Variants in FGD4 observed in about 807,000 individuals in gnomAD.
The protein encoded by FGD4 is FYVE, RhoGEF and PH domain-containing protein 4.
In FGD4, 42 loss-of-function variants were observed where a neutral mutation model predicts 102.0. The ratio of observed to expected loss-of-function variants is 0.41; its 90% CI spans 0.32 to 0.53. The LOEUF is 0.53. FGD4 is among the 20% of genes least tolerant of loss of function. The pLI, the probability that FGD4 is intolerant of heterozygous loss-of-function variation, is 0.21. For synonymous variants in FGD4, 380 were observed against 375.7 expected, an observed-to-expected ratio of 1.01 and a Z score of -0.13; for missense variants, 902 against 1,078.2, an observed-to-expected ratio of 0.84 and a Z score of 2.29.
chr12:32,415,400 T>C (rs1459113522), intron 1 of FGD4, among the ~76,000 whole-genome samples: 1 of 151,440 alleles, frequency 6.6e-6, no homozygotes, highest in East Asian at 1.9e-4. Context: ...ATTACTGTAT[T>C]GGGATCTGTC....
At chr12:32,502,934 A>G (rs1349257825) in intron 1 of FGD4, among the ~76,000 whole-genome samples, 1 of 152,210 alleles carries the variant, frequency 6.6e-6, no homozygotes, top group Non-Finnish European at 1.5e-5. Flanking sequence ...AAGGAAGATC[A>G]GCTTCTATTT....
chr12:32,636,151 A>T (rs1246404243), intron 15 of FGD4, among the ~76,000 whole-genome samples: 1 of 152,112 alleles, frequency 6.6e-6, no homozygotes, highest in African/African-American at 2.4e-5. Context: ...GTGGTCGCGT[A>T]AAAAAACACC....
At chr12:32,422,731 C>A (rs2728684) in intron 1 of FGD4, among the ~76,000 whole-genome samples, 50,828 of 151,912 alleles carry the variant, frequency 0.33, 9,445 homozygotes, top group African/African-American at 0.48. Context: ...TTCCCCTCCC[C>A]CTTTTCTAAA....
chr12:32,432,271 A>G (rs1303256770), intron 1 of FGD4, among the ~76,000 whole-genome samples: 3 of 150,782 alleles, frequency 2.0e-5, no homozygotes, highest in Non-Finnish European at 4.4e-5. Context: ...CATGTTAGCC[A>G]GGATGGTCTT....
chr12:32,507,086 C>T (rs1224369018), intron 1 of FGD4, among the ~76,000 whole-genome samples: 13 of 121,324 alleles, frequency 1.1e-4, no homozygotes, highest in Non-Finnish European at 1.7e-4. Context: ...CCCCTCCCCC[C>T]ACCCCACAAC....
chr12:32,593,602 T>G (rs1392627606), intron 4 of FGD4, among the ~76,000 whole-genome samples: 2 of 152,244 alleles, frequency 1.3e-5, no homozygotes, highest in African/African-American at 2.4e-5. Context: ...CAGCAAAGAT[T>G]ATTCTGATAA....
chr12:32,597,159 G>A (rs978643770), intron 4 of FGD4, among the ~76,000 whole-genome samples: 12 of 152,162 alleles, frequency 7.9e-5, no homozygotes, highest in African/African-American at 2.9e-4. Flanking sequence ...CTTTATAAAT[G>A]TGGAACAAAG....
intron 1 of FGD4, among the ~76,000 whole-genome samples, chr12:32,422,199 C>T (rs1941655337): frequency 6.7e-6 from 1 of 148,796 alleles, no homozygotes; most frequent in Non-Finnish European, 1.5e-5. Flanking sequence ...TGGAATATTG[C>T]TGTTACTGTT....
At position 32,611,139 on chromosome 12, in the gene FGD4, G is replaced by A. The variant is rs746263549; in HGVS notation, c.1605G>A (p.Glu535=). The A allele has an allele frequency of 6.2e-7, 1 of 1,614,088 alleles. No homozygotes were observed. The highest frequency in any genetic ancestry group is 1.1e-5 in the South Asian group (1 of 91,076). The stretch of plus-strand genomic sequence containing the variant: ...ATCTTGCTGTTTTAATTTCCTAGGA[G>A]AACCTAAAGAAACTCTTAGAGATTT... ...SHSNSAIRKM[E]NLKKLLEIYE... The change falls in exon 10 of 17, where the codon GAG becomes GAA. Residue 535 remains glutamate (E), a splice_region_variant and synonymous_variant. Transcript: ENST00000534526.
At chr12:32,539,360 G>C (rs1942600560) in intron 1 of FGD4, among the ~76,000 whole-genome samples, 1 of 151,976 alleles carries the variant, frequency 6.6e-6, no homozygotes, top group Middle Eastern at 3.2e-3. Context: ...ATCTGAGGTT[G>C]GGAGTTCAAG....
At chr12:32,637,867 G>A (rs898330192) in intron 15 of FGD4, 3 of 152,226 alleles carry the variant, frequency 2.0e-5, no homozygotes, top group East Asian at 1.9e-4. Flanking sequence ...TCTCTCCCTC[G>A]ACACATGGGG....
intron 1 of FGD4, chr12:32,534,414 T>C: frequency 2.0e-6 from 3 of 1,516,708 alleles, no homozygotes; most frequent in Non-Finnish European, 2.6e-6. Context: ...TCACATGAAC[T>C]TTAAAAGAGT....
At chr12:32,519,399 T>C (rs1191303490) in intron 1 of FGD4, among the ~76,000 whole-genome samples, 1 of 152,222 alleles carries the variant, frequency 6.6e-6, no homozygotes, top group East Asian at 1.9e-4. Context: ...ATTTTATCAC[T>C]ACAATGGATG....
chr12:32,570,341 A>T (rs559276401), intron 2 of FGD4, among the ~76,000 whole-genome samples: 2 of 151,966 alleles, frequency 1.3e-5, no homozygotes, highest in African/African-American at 4.8e-5. Flanking sequence ...TCCCTGAAAT[A>T]CTAATAAGTG....
intron 15 of FGD4, among the ~76,000 whole-genome samples, chr12:32,635,144 G>GC: frequency 6.6e-6 from 1 of 152,138 alleles, no homozygotes; most frequent in Non-Finnish European, 1.5e-5. Context: ...GCTAAGTGTA[G>GC]CCCCACACAC....
At chr12:32,624,512 C>T (rs1173043721) in intron 12 of FGD4, 60 bp downstream of exon 12, 4 of 1,389,274 alleles carry the variant, frequency 2.9e-6, no homozygotes, top group Non-Finnish European at 4.0e-6. Context: ...GTCTCACTCT[C>T]ACCCAGTCTG....
chr12:32,576,334 G>A lies in FGD4; in HGVS notation c.388G>A (p.Ala130Thr). The change falls in exon 3 of 17, where the codon GCT (alanine) becomes ACT (threonine). Residue 130 changes from alanine to threonine, a missense_variant. By Grantham distance (58) the Ala-to-Thr change is moderately conservative. Transcript: ENST00000534526. ...SNIHQTPRHK[A>T]LPSAKPRMEE... ...TATACACCAAACCCCCAGGCATAAA[G>A]CTTTACCTAGTGCAAAACCAAGGAT... The A allele has an allele frequency of 1.2e-6, 2 of 1,614,000 alleles. No homozygotes were observed. The highest frequency in any genetic ancestry group is 4.5e-5 in the East Asian group (2 of 44,876).
chr12:32,607,824 A>G, intron 7 of FGD4, 133 bp from the exon 8 acceptor site: 1 of 942,974 alleles, frequency 1.1e-6, no homozygotes, highest in South Asian at 1.4e-5. Context: ...AGAAATCTGC[A>G]TTTCATGCAG....
intron 1 of FGD4, among the ~76,000 whole-genome samples, chr12:32,555,056 C>A (rs1441301800): frequency 1.3e-5 from 2 of 152,192 alleles, no homozygotes; most frequent in Non-Finnish European, 2.9e-5. Context: ...ATGGACTGCA[C>A]TGGGAACAAG....
Sources: allele counts gnomAD v4.1 joint callset (sites outside exome capture counted in the v4.1 genomes callset), GRCh38; gene constraint gnomAD v4.1.1; transcripts MANE v1.5; gene names NCBI Gene and HGNC (gene_info 2026-07-23, HGNC 2026-07-21).